The following FAM181A variants were observed in gnomAD, a reference collection of about 807,000 sequenced individuals.
FAM181A encodes the protein family with sequence similarity 181 member A.
FAM181A carries 7 observed loss-of-function variants against 16.3 expected under a neutral mutation model. That is an observed-to-expected ratio of 0.43 (90% CI 0.24 to 0.81). The LOEUF (loss-of-function observed/expected upper bound fraction) is 0.81. FAM181A is among the 30% of genes least tolerant of loss of function. FAM181A has a pLI of 0.24. For missense variants in FAM181A, 349 were observed against 377.5 expected (o/e 0.92, Z 0.63); for synonymous variants, 183 against 164.9 (o/e 1.11, Z -0.84).
chr14:93,920,889 G>T (rs1459328479), intron 1 of FAM181A, among the ~76,000 whole-genome samples: 1 of 152,132 alleles, frequency 6.6e-6, no homozygotes, highest in Non-Finnish European at 1.5e-5. Context: ...TTTTCCTGGG[G>T]CTTGAGTCCT....
chr14:93,925,411 A>T (rs1887866865), upstream of FAM181A: 2 of 1,588,072 alleles, frequency 1.3e-6, no homozygotes, highest in Admixed American at 3.4e-5. Flanking sequence ...AGAGGTTCAA[A>T]CTGTTGGCTG....
At chr14:93,922,214 A>G (rs1284855371) in intron 1 of FAM181A, 2 of 152,240 alleles carry the variant, frequency 1.3e-5, no homozygotes, top group East Asian at 1.9e-4. Flanking sequence ...TATTTTTGGC[A>G]ATTTAAAACA....
intron 1 of FAM181A, 98 bp downstream of exon 1, chr14:93,927,552 G>C: frequency 1.6e-6 from 2 of 1,286,118 alleles, no homozygotes; most frequent in Non-Finnish European, 2.0e-6. Context: ...GGTGGCGGCC[G>C]AGGAGGCATG....
chr14:93,927,745 G>C, intron 1 of FAM181A: 1 of 881,820 alleles, frequency 1.1e-6, no homozygotes, highest in African/African-American at 1.8e-5. Context: ...AGGAGTGGTG[G>C]GAGGGGGAGG....
At chr14:93,919,179 G>A (rs1887633905) in intron 1 of FAM181A, among the ~76,000 whole-genome samples, 1 of 152,180 alleles carries the variant, frequency 6.6e-6, no homozygotes, top group African/African-American at 2.4e-5. Flanking sequence ...AAAGGCAAGG[G>A]AAGGGCACCG....
chr14:93,919,672 G>C (rs1887651499), intron 1 of FAM181A, among the ~76,000 whole-genome samples: 1 of 152,148 alleles, frequency 6.6e-6, no homozygotes, highest in African/African-American at 2.4e-5. Flanking sequence ...GACTCCCCAG[G>C]GAAGTCCCAC....
rs1345916332 is a variant in FAM181A, at chr14:93,929,146, T to C, written c.861T>C (p.Asn287=). 2.0e-6 allele frequency: 3 copies of C among 1,518,822 alleles called. No individual in the cohort carries two copies. Among genetic ancestry groups the C allele is most frequent in the Non-Finnish European group, 2.6e-6 (3 of 1,135,604 alleles). The allele number at this position is 1,518,822 out of a possible 1,614,324, so 94.1% of individuals were successfully genotyped here. The part of the protein sequence containing the change: ...TKPAVPPPIF[N]VFGYL ...CAGCCGTGCCCCCACCCATCTTCAATGTCTTTGGCTACCTCTAGCCACGCG... is the reference window on the plus strand; with the variant it reads ...CAGCCGTGCCCCCACCCATCTTCAACGTCTTTGGCTACCTCTAGCCACGCG... The change falls in exon 2 of 2, where the codon AAT becomes AAC. Residue 287 remains asparagine, a synonymous_variant. Transcript: ENST00000556222.
upstream of FAM181A, chr14:93,925,405 G>T (rs1363698080): frequency 6.3e-7 from 1 of 1,593,308 alleles, no homozygotes. Flanking sequence ...TGCTGGAGAG[G>T]TTCAAACTGT....
At chr14:93,927,584 C>A (rs962893013) in intron 1 of FAM181A, 130 bp downstream of exon 1, 1 of 1,286,742 alleles carries the variant, frequency 7.8e-7, no homozygotes, top group Non-Finnish European at 1.0e-6. Flanking sequence ...GATGCTTCTT[C>A]GGGGGAATCC....
chr14:93,929,357 A>G lies in FAM181A; in HGVS notation c.*193A>G, dbSNP rs994120842. The G allele has an allele frequency of 5.7e-5, 44 of 771,706 alleles. No individual in the cohort carries two copies. The highest frequency in any genetic ancestry group is 7.4e-5 in the Non-Finnish European group (40 of 538,696). The allele number at this position is 771,706 out of a possible 1,614,324, so 47.8% of individuals were successfully genotyped here. ...CAGCCTTGCAGCCTTGGAAGCTGGG[A>G]GGCTGGACCTGGTTGGCCCCTCCCC... On this transcript the variant is annotated 3_prime_UTR_variant, in exon 2 of 2. Transcript: ENST00000556222.
At chr14:93,926,940 G>C (rs1266440536), upstream of FAM181A, 1 of 152,922 alleles carries the variant, frequency 6.5e-6, no homozygotes, top group Admixed American at 6.5e-5. This position sits in a 1 kb window ranked among gnomAD's most constrained non-coding sequence, Gnocchi z 5.2. Context: ...GTCCGCACTG[G>C]AGCATGGCAG....
upstream of FAM181A, among the ~76,000 whole-genome samples, chr14:93,925,554 GT>G (rs1389399080): frequency 1.3e-5 from 2 of 152,328 alleles, no homozygotes; most frequent in Non-Finnish European, 2.9e-5. Flanking sequence ...ACCAGTCAGG[GT>G]GGGCTGGGAC....
chr14:93,919,402 G>A (rs1402732525), intron 1 of FAM181A, among the ~76,000 whole-genome samples: 1 of 152,164 alleles, frequency 6.6e-6, no homozygotes, highest in Non-Finnish European at 1.5e-5. Context: ...TGGGGTCTTC[G>A]TCAAGTCACT....
At chr14:93,927,678 G>A (rs1011565732) in intron 1 of FAM181A, 3 of 1,258,750 alleles carry the variant, frequency 2.4e-6, no homozygotes, top group African/African-American at 1.5e-5. Context: ...CTGCGTGAGA[G>A]CTGGGGGTGG....
upstream of FAM181A, chr14:93,927,312 G>A: frequency 9.5e-7 from 1 of 1,056,444 alleles, no homozygotes; most frequent in Non-Finnish European, 1.1e-6. Flanking sequence ...CAGCTCCGGG[G>A]AGTTGTCCTC....
chr14:93,925,195 A>T (rs1887855985), upstream of FAM181A: 1 of 1,383,836 alleles, frequency 7.2e-7, no homozygotes, highest in Admixed American at 1.8e-5. Flanking sequence ...GCAGTGCAGA[A>T]TGGGCCAGCA....
At position 93,928,670 on chromosome 14, in the gene FAM181A, C is replaced by T. The variant is rs1207600310; in HGVS notation, c.385C>T (p.Pro129Ser). The T allele has an allele frequency of 1.2e-6, 2 of 1,613,936 alleles. No individual in the cohort carries two copies. The highest frequency in any genetic ancestry group is 1.6e-4 in the Middle Eastern group (1 of 6,062). ...AGAAGCTGCCCAGCCTGGCCAGGTGCCCATGAGGAAAAGACAGCTGCCCGC... is the reference window on the plus strand; with the variant it reads ...AGAAGCTGCCCAGCCTGGCCAGGTGTCCATGAGGAAAAGACAGCTGCCCGC... ...HPEAAQPGQVPMRKRQLPASF... is the reference protein window; with the variant it reads ...HPEAAQPGQVSMRKRQLPASF... The change falls in exon 2 of 2, where the codon CCC (proline) becomes TCC (serine). Residue 129 changes from proline (P) to serine (S), a missense_variant. Pro to Ser is a moderately conservative substitution (Grantham distance 74). Transcript: ENST00000556222.
chr14:93,923,150 T>A (rs1887785909), upstream of FAM181A, among the ~76,000 whole-genome samples: 1 of 152,140 alleles, frequency 6.6e-6, no homozygotes, highest in Non-Finnish European at 1.5e-5. Context: ...AATTTTTGTG[T>A]TTTTAGTAGA....
In FAM181A at chr14:93,928,960, G is replaced by A. The variant is rs746907942; in HGVS notation, c.675G>A (p.Pro225=). The change falls in exon 2 of 2, where the codon CCG becomes CCA. Residue 225 remains proline (P), a synonymous_variant. Coordinates refer to ENST00000556222, the MANE Select transcript of FAM181A (RefSeq NM_001207073.2). ...PFQYHGQPIY[P]GPLGALPQSP... is the part of the protein sequence containing the mutation. Reference sequence around the variant, plus strand: ...AGTACCATGGACAGCCCATCTATCCGGGCCCCCTGGGGGCACTGCCTCAGA... The same window carrying A: ...AGTACCATGGACAGCCCATCTATCCAGGCCCCCTGGGGGCACTGCCTCAGA... 55 of 1,613,752 alleles carry A rather than the reference G, an allele frequency of 3.4e-5. No individual in the cohort carries two copies. In the Admixed American group the frequency reaches 7.0e-4, roughly 21 times the overall value.
Sources: gnomAD v4.1 joint callset for allele counts (sites outside exome capture counted in the v4.1 genomes callset) on GRCh38, gnomAD v4.1.1 for gene constraint, Gnocchi (gnomAD v3.1) non-coding constraint, MANE v1.5 for transcripts, NCBI Gene and HGNC (gene_info 2026-07-23, HGNC 2026-07-21) for gene names.